The following SLC10A7 variants were observed in gnomAD, a reference collection of about 807,000 sequenced individuals.
The protein encoded by SLC10A7 is solute carrier family 10 member 7.
In SLC10A7, 29 loss-of-function variants were observed where a neutral mutation model predicts 43.2. The ratio of observed to expected loss-of-function variants is 0.67; its 90% CI spans 0.50 to 0.92. SLC10A7 has a LOEUF of 0.92. Among genes scored for constraint, SLC10A7 ranks in the 40% least tolerant of loss-of-function variants. SLC10A7 has a pLI of 0.00. For missense variants in SLC10A7, 295 were observed against 403.2 expected (o/e 0.73, Z 2.30); for synonymous variants, 152 against 144.8 (o/e 1.05, Z -0.35).
chr4:146,517,240 A>G, intron 1 of SLC10A7, 120 bp from the exon 2 acceptor site: 1 of 648,970 alleles, frequency 1.5e-6, no homozygotes, highest in South Asian at 2.2e-5. Context: ...AGGCGAGTAG[A>G]GCACTTGAGG....
At position 146,273,161 on chromosome 4, in the gene SLC10A7, G is replaced by A. The variant is rs1728996807; in HGVS notation, c.847+10031C>T. Among the ~76,000 whole-genome samples the A allele has an allele frequency of 2.6e-5, 4 of 152,176 alleles. No homozygotes were observed. The South Asian group carries it at 8.3e-4, about 31-fold the overall frequency. ...CGCAGTGACAAGGATTCAATATACT[G>A]TGAGGTGCCACTGTACAATATGTGG... is the stretch of plus-strand genomic sequence containing the variant. On this transcript the variant is annotated intron_variant, in intron 10 of 11. Coordinates refer to ENST00000335472, the MANE Select transcript of SLC10A7 (RefSeq NM_001029998.6).
chr4:146,356,446 G>A (rs1578979143), intron 5 of SLC10A7, among the ~76,000 whole-genome samples: 1 of 152,000 alleles, frequency 6.6e-6, no homozygotes, highest in African/African-American at 2.4e-5. Flanking sequence ...TTTCCTTCCT[G>A]AAACACTTAG....
chr4:146,290,198 C>G (rs1333841752), intron 9 of SLC10A7, among the ~76,000 whole-genome samples: 1 of 151,170 alleles, frequency 6.6e-6, no homozygotes, highest in Non-Finnish European at 1.5e-5. Flanking sequence ...GTGGCGGGAG[C>G]CTGTAGTCCC....
intron 5 of SLC10A7, among the ~76,000 whole-genome samples, chr4:146,347,838 T>G (rs1422058412): frequency 6.6e-6 from 1 of 152,158 alleles, no homozygotes; most frequent in East Asian, 1.9e-4. Flanking sequence ...AACACTTGAT[T>G]CTATCTACTT....
intron 7 of SLC10A7, among the ~76,000 whole-genome samples, chr4:146,302,075 G>A (rs1731199201): frequency 6.6e-6 from 1 of 152,078 alleles, no homozygotes. Context: ...ACATAATTAA[G>A]TAAGCTACAT....
At chr4:146,285,805 G>C (rs1255590559) in intron 9 of SLC10A7, among the ~76,000 whole-genome samples, 1 of 152,122 alleles carries the variant, frequency 6.6e-6, no homozygotes, top group African/African-American at 2.4e-5. Context: ...TGTGTTTGGA[G>C]TGGTGAGAAA....
At chr4:146,476,307 T>A (rs553685366) in intron 4 of SLC10A7, among the ~76,000 whole-genome samples, 1 of 152,258 alleles carries the variant, frequency 6.6e-6, no homozygotes, top group South Asian at 2.1e-4. Flanking sequence ...AAAGAGATGA[T>A]AGGTGCAGTA....
At chr4:146,440,463 G>A (rs1486685127) in intron 5 of SLC10A7, among the ~76,000 whole-genome samples, 1 of 152,092 alleles carries the variant, frequency 6.6e-6, no homozygotes. Context: ...AGATGGTGGA[G>A]GAGAGAGATA....
intron 5 of SLC10A7, among the ~76,000 whole-genome samples, chr4:146,384,825 A>G (rs1737874738): frequency 6.6e-6 from 1 of 152,164 alleles, no homozygotes; most frequent in Admixed American, 6.6e-5. Context: ...GCTATCCATA[A>G]GGAGAGATAA....
chr4:146,287,324 C>T (rs372386731), intron 9 of SLC10A7, among the ~76,000 whole-genome samples: 6 of 152,200 alleles, frequency 3.9e-5, no homozygotes, highest in African/African-American at 7.2e-5. Context: ...AGTGAAGACA[C>T]GGCAGAGAGA....
chr4:146,410,683 C>A (rs1305322182), intron 5 of SLC10A7, among the ~76,000 whole-genome samples: 1 of 152,118 alleles, frequency 6.6e-6, no homozygotes, highest in Admixed American at 6.6e-5. Context: ...GATTCTGAAG[C>A]CCTTTGTCCT....
At chr4:146,504,961 A>G (rs981156158) in intron 3 of SLC10A7, among the ~76,000 whole-genome samples, 11 of 152,234 alleles carry the variant, frequency 7.2e-5, no homozygotes, top group African/African-American at 2.4e-4. Context: ...ACTATGAGTA[A>G]TAAATTTAAG....
chr4:146,302,430 T>G (rs1232118643), intron 7 of SLC10A7, among the ~76,000 whole-genome samples: 4 of 152,170 alleles, frequency 2.6e-5, no homozygotes, highest in Non-Finnish European at 4.4e-5. Context: ...GTTCCAGTAC[T>G]CAAGAAGCTG....
At chr4:146,283,441 C>T (rs940652694) in intron 9 of SLC10A7, among the ~76,000 whole-genome samples, 176 bp from the exon 10 acceptor site, 1 of 152,108 alleles carries the variant, frequency 6.6e-6, no homozygotes, top group African/African-American at 2.4e-5. Flanking sequence ...AGAACTACTT[C>T]TGAGTCATTT....
chr4:146,487,310 T>G (rs1735007156), intron 4 of SLC10A7, among the ~76,000 whole-genome samples: 3 of 152,212 alleles, frequency 2.0e-5, no homozygotes, highest in Admixed American at 6.5e-5. Flanking sequence ...ACTCACCTGT[T>G]GTTTATGTTT....
chr4:146,403,911 G>A (rs1021328823), intron 5 of SLC10A7, among the ~76,000 whole-genome samples: 2 of 152,080 alleles, frequency 1.3e-5, no homozygotes, highest in Admixed American at 1.3e-4. Flanking sequence ...AGTCCATGAT[G>A]GCTTTGATAG....
At chr4:146,515,781 G>A (rs1449960218) in intron 2 of SLC10A7, among the ~76,000 whole-genome samples, 1 of 151,856 alleles carries the variant, frequency 6.6e-6, no homozygotes, top group Non-Finnish European at 1.5e-5. Flanking sequence ...GTGGTGGTGG[G>A]TGCCTGTAGT....
chr4:146,307,861 G>T (rs1337349698), intron 6 of SLC10A7, among the ~76,000 whole-genome samples: 1 of 78,124 alleles, frequency 1.3e-5, no homozygotes, highest in Non-Finnish European at 2.6e-5. Context: ...CCATTTCAAA[G>T]GTATATTCTC....
At chr4:146,482,412 A>T (rs1396918026) in intron 4 of SLC10A7, among the ~76,000 whole-genome samples, 3 of 152,174 alleles carry the variant, frequency 2.0e-5, no homozygotes, top group Non-Finnish European at 4.4e-5. Context: ...ATTCATAAAG[A>T]AATAGATATC....
Sources: gnomAD v4.1 joint callset for allele counts (sites outside exome capture counted in the v4.1 genomes callset) on GRCh38, gnomAD v4.1.1 for gene constraint, MANE v1.5 for transcripts, NCBI Gene and HGNC (gene_info 2026-07-23, HGNC 2026-07-21) for gene names.